The following EXOSC7 variants were observed in gnomAD, a reference collection of about 807,000 sequenced individuals.
EXOSC7 encodes the protein exosome complex component RRP42.
In EXOSC7, 25 loss-of-function variants were observed where a neutral mutation model predicts 34.3. The ratio of observed to expected loss-of-function variants is 0.73; its 90% CI spans 0.53 to 1.02. The LOEUF is 1.02. EXOSC7 is among the 50% of genes least tolerant of loss of function. The probability of loss-of-function intolerance (pLI) is 0.00; values close to 1 mark genes in which losing one functional copy is unlikely to be tolerated. For missense variants in EXOSC7, 370 were observed against 368.5 expected (o/e 1.00, Z -0.03); for synonymous variants, 130 against 143.0 (o/e 0.91, Z 0.65).
chr3:45,008,182 A>G (rs902647081), intron 7 of EXOSC7, among the ~76,000 whole-genome samples: 11 of 152,226 alleles, frequency 7.2e-5, no homozygotes, highest in Non-Finnish European at 1.2e-4. Flanking sequence ...GAAGCCCCGC[A>G]GGGCAGGGAC....
At chr3:45,005,792 A>T (rs922691271) in intron 6 of EXOSC7, among the ~76,000 whole-genome samples, 1 of 152,012 alleles carries the variant, frequency 6.6e-6, no homozygotes. Context: ...CCCCTATGAA[A>T]TGGGAGGTTG....
At chr3:44,978,303 AT>A (rs779575167) in intron 1 of EXOSC7, among the ~76,000 whole-genome samples, 3 of 151,674 alleles carry the variant, frequency 2.0e-5, no homozygotes, top group African/African-American at 4.8e-5. Flanking sequence ...TAAAGAAATA[AT>A]TTTTTTTTAA....
intron 5 of EXOSC7, among the ~76,000 whole-genome samples, chr3:45,003,344 TGCGTGC>T (rs56204230): frequency 0.48 from 53,575 of 110,542 alleles, 11,919 homozygotes; most frequent in African/African-American, 0.66. Context: ...CGTGCGTGCG[TGCGTGC>T]GTGTGTGTGT....
At chr3:45,005,912 G>A (rs1307206857) in intron 6 of EXOSC7, among the ~76,000 whole-genome samples, 5 of 152,022 alleles carry the variant, frequency 3.3e-5, no homozygotes, top group African/African-American at 1.2e-4. Flanking sequence ...AAAGAGGCCT[G>A]TATTGGCTAT....
intron 5 of EXOSC7, 45 bp from the exon 6 acceptor site, chr3:45,005,246 T>G: frequency 6.2e-7 from 1 of 1,610,488 alleles, no homozygotes; most frequent in Non-Finnish European, 8.5e-7. Flanking sequence ...AAGAAGTTAT[T>G]TTTCCTCCTC....
At chr3:44,984,031 C>T (rs1279179570) in intron 1 of EXOSC7, among the ~76,000 whole-genome samples, 1 of 152,120 alleles carries the variant, frequency 6.6e-6, no homozygotes, top group African/African-American at 2.4e-5. Flanking sequence ...GAGCCTTTCT[C>T]CAGGAGGCAG....
At position 44,997,238 on chromosome 3, in the gene EXOSC7, T is replaced by G; in HGVS notation, c.406T>G (p.Tyr136Asp). Residue 136 changes from tyrosine (Y) to aspartate (D), a missense_variant, in exon 4 of 8, where the codon TAT becomes GAT. This residue lies in a region of EXOSC7 where 255 missense variants were observed against 246.4 expected (regional missense o/e 1.03). Coordinates refer to ENST00000265564, the MANE Select transcript of EXOSC7 (RefSeq NM_015004.4). The stretch of plus-strand genomic sequence containing the variant: ...TCCTCGGGAGCACTGCTGGGTTCTC[T>G]ATGTGGATGTGCTGGTGAGTATCAT... ...ISPREHCWVLYVDVLLLECGG... is the reference protein window; with the variant it reads ...ISPREHCWVLDVDVLLLECGG... 1 of 1,613,960 alleles carries G rather than the reference T, an allele frequency of 6.2e-7. No individual in the cohort carries two copies. Among genetic ancestry groups the G allele is most frequent in the Non-Finnish European group, 8.5e-7 (1 of 1,179,916 alleles).
rs140459270 is a variant in EXOSC7, at chr3:44,997,239, A to C, written c.407A>C (p.Tyr136Ser). The change falls in exon 4 of 8, where the codon TAT (tyrosine) becomes TCT (serine). Residue 136 changes from tyrosine to serine, a missense_variant. Around this residue, in one of 3 missense-constraint regions of EXOSC7, gnomAD observed 255 missense variants for 246.4 expected, o/e 1.03. Transcript: ENST00000265564. ...CCTCGGGAGCACTGCTGGGTTCTCT[A>C]TGTGGATGTGCTGGTGAGTATCATC... ...ISPREHCWVL[Y>S]VDVLLLECGG... 1 of 1,613,678 alleles carries C rather than the reference A, an allele frequency of 6.2e-7. No homozygotes were observed. Among genetic ancestry groups the C allele is most frequent in the Admixed American group, 1.7e-5 (1 of 59,960 alleles).
At chr3:45,009,746 G>T (rs1707155111) in intron 7 of EXOSC7, among the ~76,000 whole-genome samples, 1 of 151,920 alleles carries the variant, frequency 6.6e-6, no homozygotes, top group African/African-American at 2.4e-5. Context: ...CGGGGTTTCA[G>T]TATGTTTGCC....
chr3:44,976,369 G>C, intron 1 of EXOSC7, 35 bp downstream of exon 1: 1 of 1,543,630 alleles, frequency 6.5e-7, no homozygotes. Flanking sequence ...CGGCCGCCGG[G>C]TTCAGCCTGG....
intron 4 of EXOSC7, among the ~76,000 whole-genome samples, chr3:44,998,138 C>T (rs1372574084): frequency 1.3e-5 from 2 of 149,352 alleles, no homozygotes; most frequent in African/African-American, 2.5e-5. Flanking sequence ...CAGGTTCAAT[C>T]GATTCTCATG....
chr3:45,000,940 C>T (rs973179276), intron 4 of EXOSC7, among the ~76,000 whole-genome samples: 2 of 152,138 alleles, frequency 1.3e-5, no homozygotes, highest in African/African-American at 2.4e-5. Context: ...GGTACCACAG[C>T]CCTGCCAACT....
chr3:45,006,301 C>G (rs1201096385), intron 6 of EXOSC7, among the ~76,000 whole-genome samples: 1 of 151,260 alleles, frequency 6.6e-6, no homozygotes, highest in Non-Finnish European at 1.5e-5. Flanking sequence ...TGGTCTCAAA[C>G]TCCTGACCTC....
chr3:45,005,406 C>T lies in EXOSC7; in HGVS notation c.607C>T (p.Leu203=), dbSNP rs758622534. Residue 203 remains leucine, a synonymous_variant, in exon 6 of 8, where the codon CTG becomes TTG. Transcript: ENST00000265564. ...SVENVPCIVT[L]CKIGYRHVVD... ...GGAGAATGTCCCCTGCATTGTCACT[C>T]TGTGCAAGGTATAACTTGTATTTTA... 28 of 1,614,002 alleles carry T rather than the reference C, an allele frequency of 1.7e-5. No individual in the cohort carries two copies. The highest frequency in any genetic ancestry group is 5.3e-5 in the African/African-American group (4 of 74,900).
At chr3:45,003,091 T>C (rs1295725814) in intron 5 of EXOSC7, among the ~76,000 whole-genome samples, 1 of 152,192 alleles carries the variant, frequency 6.6e-6, no homozygotes, top group Non-Finnish European at 1.5e-5. Flanking sequence ...TTAACCCAGC[T>C]GCTCAGGTAG....
chr3:45,008,155 G>T (rs548788142), intron 7 of EXOSC7, among the ~76,000 whole-genome samples: 1 of 152,330 alleles, frequency 6.6e-6, no homozygotes, highest in Admixed American at 6.5e-5. Context: ...CCACATGTCT[G>T]TCACCTCACT....
In EXOSC7 at chr3:44,982,950, C is replaced by T. The variant is rs1404752026; in HGVS notation, c.58-6190C>T. Among the ~76,000 whole-genome samples, 6 of 152,344 alleles carry T rather than the reference C, an allele frequency of 3.9e-5. No homozygotes were observed. The South Asian group carries it at 1.0e-3, about 26-fold the overall frequency. ...AGCTGGACCAAATGTGGCCCCTTTC[C>T]TAAGGGCGGGGGGCAGTCACCTTCT... On this transcript the variant is annotated intron_variant, in intron 1 of 7. Transcript: ENST00000265564.
At chr3:45,007,660 C>T (rs1318438148) in intron 7 of EXOSC7, 85 bp downstream of exon 7, 7 of 1,364,904 alleles carry the variant, frequency 5.1e-6, no homozygotes, top group Non-Finnish European at 5.9e-6. Context: ...CGTGGGGATT[C>T]TCCCCATTCA....
intron 6 of EXOSC7, among the ~76,000 whole-genome samples, chr3:45,006,953 G>A (rs1302173896): frequency 2.0e-5 from 3 of 151,958 alleles, no homozygotes; most frequent in Non-Finnish European, 4.4e-5. Flanking sequence ...TCAAACTCCT[G>A]AGCTCAAGCA....
Sources: gnomAD v4.1 joint callset for allele counts (sites outside exome capture counted in the v4.1 genomes callset) on GRCh38, gnomAD v4.1.1 for gene constraint, gnomAD v4.1.1 regional missense constraint, MANE v1.5 for transcripts, NCBI Gene and HGNC (gene_info 2026-07-23, HGNC 2026-07-21) for gene names.